ERBB4: variants seen among roughly 807,000 people sequenced by gnomAD.
The protein encoded by ERBB4 is erb-b2 receptor tyrosine kinase 4.
In ERBB4, 42 loss-of-function variants were observed where a neutral mutation model predicts 158.0. That is an observed-to-expected ratio of 0.27 (90% CI 0.21 to 0.34). The LOEUF (loss-of-function observed/expected upper bound fraction) is 0.34. Ranked by LOEUF, ERBB4 falls within the 10% of genes least tolerant of loss-of-function variation. ERBB4 has a pLI of 1.00. For synonymous variants in ERBB4, 583 were observed against 558.7 expected (o/e 1.04, Z -0.61); for missense variants, 1,333 against 1,624.1 (o/e 0.82, Z 3.08).
intron 1 of ERBB4, among the ~76,000 whole-genome samples, chr2:212,328,459 T>G (rs1482190125): frequency 1.3e-5 from 2 of 152,030 alleles, no homozygotes; most frequent in Non-Finnish European, 2.9e-5. Context: ...AATTTTGACT[T>G]CATCTTGTTG....
chr2:211,701,321 CAACA>C (rs976057376), intron 12 of ERBB4, among the ~76,000 whole-genome samples: 1 of 152,120 alleles, frequency 6.6e-6, no homozygotes, highest in African/African-American at 2.4e-5. Flanking sequence ...TGAAACCAAA[CAACA>C]AACAGAGAAT....
At chr2:211,390,681 T>C (rs925844597) in intron 25 of ERBB4, among the ~76,000 whole-genome samples, 5 of 152,194 alleles carry the variant, frequency 3.3e-5, no homozygotes, top group Non-Finnish European at 5.9e-5. Context: ...TTCCAAGACA[T>C]AAAGCGAGGC....
chr2:211,905,923 T>C (rs917357907), intron 3 of ERBB4, among the ~76,000 whole-genome samples: 1 of 151,216 alleles, frequency 6.6e-6, no homozygotes, highest in Non-Finnish European at 1.5e-5. Flanking sequence ...GGTAGGGTGT[T>C]TGTGCACTTG....
At chr2:211,487,983 A>ACC (rs2065248342) in intron 20 of ERBB4, among the ~76,000 whole-genome samples, 1 of 152,124 alleles carries the variant, frequency 6.6e-6, no homozygotes, top group Non-Finnish European at 1.5e-5. Flanking sequence ...CTACTCATGA[A>ACC]CAGAGTAATT....
intron 12 of ERBB4, among the ~76,000 whole-genome samples, chr2:211,700,729 A>C (rs1462724176): frequency 6.6e-6 from 1 of 152,088 alleles, no homozygotes; most frequent in Admixed American, 6.6e-5. Flanking sequence ...ACACACTCAC[A>C]CGTATACACG....
intron 1 of ERBB4, among the ~76,000 whole-genome samples, chr2:212,234,560 T>C (rs1018826012): frequency 6.6e-6 from 1 of 152,070 alleles, no homozygotes; most frequent in Non-Finnish European, 1.5e-5. Flanking sequence ...ATTGCCACAT[T>C]GACTTCCAAA....
At chr2:211,784,284 C>A (rs1220878736) in intron 4 of ERBB4, among the ~76,000 whole-genome samples, 1 of 152,166 alleles carries the variant, frequency 6.6e-6, no homozygotes, top group African/African-American at 2.4e-5. Context: ...CTGGCTACCA[C>A]CATTCTACAT....
intron 2 of ERBB4, among the ~76,000 whole-genome samples, chr2:211,976,376 C>T (rs1176111565): frequency 6.6e-6 from 1 of 152,112 alleles, no homozygotes; most frequent in East Asian, 1.9e-4. Flanking sequence ...AGCTTCATTT[C>T]TTGTTCATTC....
intron 2 of ERBB4, among the ~76,000 whole-genome samples, chr2:212,035,821 T>C (rs926659310): frequency 6.6e-6 from 1 of 152,210 alleles, no homozygotes; most frequent in African/African-American, 2.4e-5. Flanking sequence ...GTTCATCTTG[T>C]CCTCATTCTT....
At chr2:211,561,263 A>T (rs1043402726) in intron 20 of ERBB4, among the ~76,000 whole-genome samples, 1 of 152,140 alleles carries the variant, frequency 6.6e-6, no homozygotes, top group Non-Finnish European at 1.5e-5. Context: ...GGCCACTCTT[A>T]AAAAAATTAA....
chr2:211,978,396 G>GTCTGTCTT (rs77259627), intron 2 of ERBB4, among the ~76,000 whole-genome samples: 3 of 136,560 alleles, frequency 2.2e-5, no homozygotes, highest in Non-Finnish European at 4.7e-5. Context: ...CTGTCTGTCT[G>GTCTGTCTT]TCTATCTATC....
intron 3 of ERBB4, among the ~76,000 whole-genome samples, chr2:211,947,210 T>C (rs1374521320): frequency 6.6e-6 from 1 of 152,134 alleles, no homozygotes; most frequent in African/African-American, 2.4e-5. Context: ...CCTGTTCAGC[T>C]GAGATACAGT....
chr2:212,352,934 A>T (rs913508036), intron 1 of ERBB4, among the ~76,000 whole-genome samples: 1 of 151,922 alleles, frequency 6.6e-6, no homozygotes, highest in Non-Finnish European at 1.5e-5. Flanking sequence ...CAGTAGCACA[A>T]TTTTTTTTCA....
intron 1 of ERBB4, among the ~76,000 whole-genome samples, chr2:212,247,868 A>G (rs13426969): frequency 0.79 from 119,904 of 152,102 alleles, 47,537 homozygotes; most frequent in Non-Finnish European, 0.81. Flanking sequence ...GGAGGCTGAG[A>G]CATGAGAATC....
chr2:211,403,158 C>T (rs752130822), intron 25 of ERBB4, among the ~76,000 whole-genome samples: 4 of 152,042 alleles, frequency 2.6e-5, no homozygotes, highest in Non-Finnish European at 4.4e-5. Flanking sequence ...TTTCCAACCT[C>T]GCTGTTTCTG....
chr2:212,223,412 A>T (rs937596032), intron 1 of ERBB4, among the ~76,000 whole-genome samples: 2 of 82,028 alleles, frequency 2.4e-5, no homozygotes, highest in Admixed American at 2.9e-4. Context: ...ATATTTATCA[A>T]ATATATATAT....
intron 3 of ERBB4, among the ~76,000 whole-genome samples, chr2:211,808,855 T>G (rs556482727): frequency 2.6e-4 from 40 of 152,298 alleles, no homozygotes; most frequent in Admixed American, 2.4e-3. Context: ...CCCTTGTAAG[T>G]TGGATTCCTA....
intron 19 of ERBB4, among the ~76,000 whole-genome samples, chr2:211,607,858 G>A (rs61608091): frequency 0.029 from 4,173 of 143,992 alleles, 222 homozygotes; most frequent in African/African-American, 0.1. Context: ...AAACTTTTTC[G>A]CATCAGATTT....
chr2:212,245,781 G>A (rs1434892470), intron 1 of ERBB4, among the ~76,000 whole-genome samples: 1 of 152,076 alleles, frequency 6.6e-6, no homozygotes, highest in African/African-American at 2.4e-5. Flanking sequence ...CTTGCTTACA[G>A]CGGCTTGTCA....
Sources: allele counts gnomAD v4.1 joint callset (sites outside exome capture counted in the v4.1 genomes callset), GRCh38; gene constraint gnomAD v4.1.1; transcripts MANE v1.5; gene names NCBI Gene and HGNC (gene_info 2026-07-23, HGNC 2026-07-21).